AK8: variants seen among roughly 807,000 people sequenced by gnomAD.
AK8 encodes the protein adenylate kinase 8, also known as ATP-AMP transphosphorylase 8.
AK8 carries 44 observed loss-of-function variants against 54.6 expected under a neutral mutation model. The ratio of observed to expected loss-of-function variants is 0.81; its 90% CI spans 0.63 to 1.04. AK8 has a LOEUF of 1.04. Among genes scored for constraint, AK8 ranks in the 50% least tolerant of loss-of-function variants. AK8 has a pLI of 0.00. For synonymous variants in AK8, 239 were observed against 245.6 expected, an observed-to-expected ratio of 0.97 and a Z score of 0.25; for missense variants, 555 against 613.6, an observed-to-expected ratio of 0.90 and a Z score of 1.01.
intron 11 of AK8, among the ~76,000 whole-genome samples, chr9:132,758,759 T>C (rs1456494960): frequency 6.6e-6 from 1 of 152,092 alleles, no homozygotes; most frequent in Non-Finnish European, 1.5e-5. Flanking sequence ...GCATTTTCCA[T>C]TTTCTAATGA....
chr9:132,867,313 ATC>A (rs1257106680), intron 2 of AK8, among the ~76,000 whole-genome samples: 3 of 152,224 alleles, frequency 2.0e-5, no homozygotes, highest in Non-Finnish European at 4.4e-5. Context: ...ATTTATGCAA[ATC>A]GACCTTAGAA....
chr9:132,848,246 A>G (rs1842836519), intron 5 of AK8, among the ~76,000 whole-genome samples: 1 of 152,136 alleles, frequency 6.6e-6, no homozygotes, highest in Non-Finnish European at 1.5e-5. Flanking sequence ...AATAATGGAT[A>G]ATGGATTAAG....
chr9:132,851,502 C>T (rs1420267224), intron 5 of AK8, among the ~76,000 whole-genome samples: 1 of 152,230 alleles, frequency 6.6e-6, no homozygotes, highest in Admixed American at 6.5e-5. Context: ...GAGAGGGGAG[C>T]TCAGGGAAGT....
At chr9:132,873,452 G>A (rs1843946191) in intron 2 of AK8, among the ~76,000 whole-genome samples, 1 of 152,206 alleles carries the variant, frequency 6.6e-6, no homozygotes, top group African/African-American at 2.4e-5. Flanking sequence ...GGGGTGGCAG[G>A]ACAGAGGACT....
rs1240199955 is a variant in AK8, at chr9:132,770,177, G to C, written c.1121+22457C>G. 6.6e-6 allele frequency: 1 copy of C among 152,334 alleles called. No individual in the cohort carries two copies. Among genetic ancestry groups the C allele is most frequent in the Non-Finnish European group, 1.5e-5 (1 of 68,138 alleles). The allele number at this position is 152,334 out of a possible 1,614,324, so 9.4% of individuals were successfully genotyped here. ...GAAACGGAACCAGGGGAAGGCCTGG[G>C]GGGGTCACACTCGTGCCCCTTGCCT... is the stretch of plus-strand genomic sequence containing the variant. On this transcript the variant is annotated intron_variant, in intron 11 of 12. Transcript: ENST00000298545. This position sits in a 1 kb window ranked among gnomAD's most constrained non-coding sequence, Gnocchi z 4.3.
At chr9:132,741,061 T>C (rs1837365748) in intron 11 of AK8, among the ~76,000 whole-genome samples, 1 of 151,810 alleles carries the variant, frequency 6.6e-6, no homozygotes, top group Non-Finnish European at 1.5e-5. Context: ...GAGTGCCTTT[T>C]CCCCCCATTT....
At chr9:132,851,130 G>A (rs1469186013) in intron 5 of AK8, among the ~76,000 whole-genome samples, 1 of 152,222 alleles carries the variant, frequency 6.6e-6, no homozygotes, top group African/African-American at 2.4e-5. Flanking sequence ...CCTGAAGGCT[G>A]AAAGTGGGAA....
intron 9 of AK8, among the ~76,000 whole-genome samples, chr9:132,822,786 TGGGTTGG>T (rs1049511212): frequency 6.6e-6 from 1 of 152,096 alleles, no homozygotes; most frequent in African/African-American, 2.4e-5. Flanking sequence ...CACACTGACC[TGGGTTGG>T]GGGCACCAAA....
chr9:132,828,181 T>C, intron 6 of AK8, 97 bp from the exon 7 acceptor site: 1 of 1,150,698 alleles, frequency 8.7e-7, no homozygotes, highest in Non-Finnish European at 1.2e-6. Context: ...CGTTTTTTGC[T>C]TTTCTGTATA....
intron 5 of AK8, among the ~76,000 whole-genome samples, chr9:132,841,311 G>A (rs2771995): frequency 0.72 from 109,715 of 152,092 alleles, 40,434 homozygotes; most frequent in South Asian, 0.86. Context: ...GAGCCCATAA[G>A]AATCACATTC....
intron 5 of AK8, among the ~76,000 whole-genome samples, chr9:132,851,499 G>A (rs550461044): frequency 6.6e-6 from 1 of 152,358 alleles, no homozygotes; most frequent in East Asian, 1.9e-4. Flanking sequence ...ACAGAGAGGG[G>A]AGCTCAGGGA....
chr9:132,792,758 T>C lies in AK8; in HGVS notation c.997A>G (p.Met333Val), dbSNP rs1326716866. The change falls in exon 11 of 13, where the codon ATG becomes GTG. Residue 333 changes from methionine (M) to valine (V), a missense_variant. Met to Val is a conservative substitution (Grantham distance 21). Coordinates refer to ENST00000298545, the MANE Select transcript of AK8 (RefSeq NM_152572.3). ...KEMAVPDSLL[M>V]KVLSQRLDQQ... is the part of the protein sequence containing the mutation. ...TCCAGGCGCTGGCTCAGCACCTTCA[T>C]GAGGAGGCTGTCAGGAACTGCAGAG... 6.4e-7 allele frequency: 1 copy of C among 1,560,646 alleles called. No individual in the cohort carries two copies. Among genetic ancestry groups the C allele is most frequent in the Admixed American group, 1.9e-5 (1 of 52,380 alleles).
Position 132,855,878 on chromosome 9 carries a change from G to A in AK8, c.334-953C>T, listed in dbSNP as rs116211004. Among the ~76,000 whole-genome samples the A allele has an allele frequency of 5.7e-3, 865 of 152,264 alleles. 3 individuals are homozygous for A. The highest frequency in any genetic ancestry group is 0.017 in the African/African-American group (693 of 41,548). On this transcript the variant is annotated intron_variant, in intron 4 of 12. Transcript: ENST00000298545. ...TTGCCCCCTTCTGCCTGTATGGTCT[G>A]GGTGTGCTCAACTCTATCCTCAGAT...
rs752282777 is a variant in AK8, at chr9:132,823,183, G to A, written c.889+22C>T. On this transcript the variant is annotated intron_variant, in intron 9 of 12. Transcript: ENST00000298545. ...AGGGAAAGGCTCTCGAAGCTGGGCA[G>A]CCCAGCACCTGGGGCACTCACCATT... 4 of 1,539,840 alleles carry A rather than the reference G, an allele frequency of 2.6e-6. No homozygotes were observed. The South Asian group carries it at 5.1e-5, about 20-fold the overall frequency.
chr9:132,855,042 C>CG (rs951305741), intron 4 of AK8, 117 bp from the exon 5 acceptor site: 3 of 1,022,778 alleles, frequency 2.9e-6, no homozygotes, highest in Non-Finnish European at 4.5e-6. Context: ...CGACCACCAT[C>CG]GGGCCCCGCC....
chr9:132,772,761 C>T (rs1590223460), intron 11 of AK8, among the ~76,000 whole-genome samples: 2 of 152,208 alleles, frequency 1.3e-5, no homozygotes, highest in East Asian at 3.9e-4. Context: ...GCTGCCCCAG[C>T]AAGCACCTGA....
At chr9:132,801,674 T>C (rs1004639868) in intron 10 of AK8, among the ~76,000 whole-genome samples, 2 of 152,206 alleles carry the variant, frequency 1.3e-5, no homozygotes, top group African/African-American at 2.4e-5. Context: ...AGCCCAGTTT[T>C]CTGGGAGGGA....
Position 132,770,937 on chromosome 9 carries a change from G to T in AK8, c.1121+21697C>A, listed in dbSNP as rs1838949481. ...CTCAGTGGGGAGGGAGCAGCTGGTG[G>T]CCTCGGCAAACGCAGCACAGGAGAT... On this transcript the variant is annotated intron_variant, in intron 11 of 12. Transcript: ENST00000298545. This position sits in a 1 kb window ranked among gnomAD's most constrained non-coding sequence, Gnocchi z 4.3. Among the ~76,000 whole-genome samples the T allele has an allele frequency of 6.6e-6, 1 of 152,190 alleles. No homozygotes were observed. The highest frequency in any genetic ancestry group is 1.5e-5 in the Non-Finnish European group (1 of 68,008).
chr9:132,854,502 A>T (rs966481720), intron 5 of AK8, among the ~76,000 whole-genome samples: 3 of 152,076 alleles, frequency 2.0e-5, no homozygotes, highest in African/African-American at 7.2e-5. Context: ...AGTCTGGGGT[A>T]CCCCTAATTC....
Sources: gnomAD v4.1 joint callset for allele counts (sites outside exome capture counted in the v4.1 genomes callset) on GRCh38, gnomAD v4.1.1 for gene constraint, Gnocchi (gnomAD v3.1) non-coding constraint, MANE v1.5 for transcripts, NCBI Gene and HGNC (gene_info 2026-07-23, HGNC 2026-07-21) for gene names.